The following ZNF423 variants were observed in gnomAD, a reference collection of about 807,000 sequenced individuals.
ZNF423 encodes Ebf-associated zinc finger protein.
Under a neutral mutation model 95.8 loss-of-function variants are expected in ZNF423, and 12 were observed. The ratio of observed to expected loss-of-function variants is 0.13; its 90% CI spans 0.08 to 0.20. The LOEUF (loss-of-function observed/expected upper bound fraction) is 0.20. ZNF423 is among the 10% of genes least tolerant of loss of function. ZNF423 has a pLI of 1.00. For missense variants in ZNF423, 1,316 were observed against 1,737.1 expected (o/e 0.76, Z 4.31); for synonymous variants, 749 against 711.9 (o/e 1.05, Z -0.83).
chr16:49,651,046 G>C (rs1386320844), intron 3 of ZNF423, among the ~76,000 whole-genome samples: 1 of 151,472 alleles, frequency 6.6e-6, no homozygotes, highest in African/African-American at 2.4e-5. Flanking sequence ...TTAGAGACAG[G>C]GTCTCCCTCT....
At chr16:49,774,835 G>A (rs866556545) in intron 2 of ZNF423, among the ~76,000 whole-genome samples, 1 of 152,088 alleles carries the variant, frequency 6.6e-6, no homozygotes, top group Non-Finnish European at 1.5e-5. Context: ...CAAGATTCCG[G>A]GCTTAGGGAT....
chr16:49,726,978 T>A (rs1363077697), intron 3 of ZNF423, among the ~76,000 whole-genome samples: 5 of 151,040 alleles, frequency 3.3e-5, no homozygotes, highest in Non-Finnish European at 4.4e-5. Flanking sequence ...ACCCCAAGCA[T>A]GCGAACGTGT....
chr16:49,838,798 C>A (rs990999064), intron 1 of ZNF423, among the ~76,000 whole-genome samples: 1 of 151,820 alleles, frequency 6.6e-6, no homozygotes, highest in African/African-American at 2.4e-5. Context: ...AGCCGGCCCC[C>A]CGCCGCGGCC....
At chr16:49,570,430 T>C (rs909096143) in intron 5 of ZNF423, among the ~76,000 whole-genome samples, 1 of 152,184 alleles carries the variant, frequency 6.6e-6, no homozygotes, top group Non-Finnish European at 1.5e-5. Flanking sequence ...CCCATAATGG[T>C]TCCAATAAAT....
At chr16:49,837,526 T>C (rs932791545) in intron 1 of ZNF423, among the ~76,000 whole-genome samples, 8 of 152,160 alleles carry the variant, frequency 5.3e-5, no homozygotes, top group African/African-American at 1.9e-4. Flanking sequence ...CACCATGCTG[T>C]GTGCACGCAT....
chr16:49,714,328 G>A (rs942365342), intron 3 of ZNF423, among the ~76,000 whole-genome samples: 9 of 152,126 alleles, frequency 5.9e-5, no homozygotes, highest in East Asian at 3.8e-4. Context: ...ATTTCAACAC[G>A]CAGCCAGGGC....
intron 5 of ZNF423, 148 bp from the exon 6 acceptor site, chr16:49,525,642 T>A: frequency 8.6e-7 from 1 of 1,165,354 alleles, no homozygotes; most frequent in Non-Finnish European, 1.2e-6. Flanking sequence ...CCAAGACTCA[T>A]CCTGGCTCCA....
intron 1 of ZNF423, chr16:49,854,791 G>A (rs1228110208): frequency 8.1e-6 from 8 of 985,264 alleles, no homozygotes; most frequent in Non-Finnish European, 9.6e-6. Context: ...GGGGGCCCTC[G>A]CTGGAAATAG....
intron 3 of ZNF423, among the ~76,000 whole-genome samples, chr16:49,660,775 G>T (rs1407225715): frequency 1.3e-5 from 2 of 151,764 alleles, no homozygotes; most frequent in Non-Finnish European, 2.9e-5. Context: ...CACAGCCTCA[G>T]CCTGAATCCC....
intron 5 of ZNF423, among the ~76,000 whole-genome samples, chr16:49,607,925 T>C (rs1971590518): frequency 6.6e-6 from 1 of 152,176 alleles, no homozygotes; most frequent in Non-Finnish European, 1.5e-5. Context: ...GACCACCATA[T>C]GGCCAGTGGA....
chr16:49,783,978 A>AAG (rs2034267730), intron 2 of ZNF423, among the ~76,000 whole-genome samples: 1 of 151,882 alleles, frequency 6.6e-6, no homozygotes, highest in Non-Finnish European at 1.5e-5. Context: ...CAAAAAAAAA[A>AAG]AAAAAGAAAA....
intron 3 of ZNF423, among the ~76,000 whole-genome samples, chr16:49,723,420 T>A (rs924620659): frequency 1.3e-5 from 2 of 152,178 alleles, no homozygotes; most frequent in Non-Finnish European, 2.9e-5. Context: ...CTTTGCCATG[T>A]TTTTTTGTGT....
chr16:49,684,213 G>A (rs1334763883), intron 3 of ZNF423, among the ~76,000 whole-genome samples: 1 of 152,056 alleles, frequency 6.6e-6, no homozygotes, highest in Non-Finnish European at 1.5e-5. Context: ...CATGTGTGCA[G>A]ACAAAGACCA....
At chr16:49,795,328 T>A (rs1168965126) in intron 1 of ZNF423, among the ~76,000 whole-genome samples, 1 of 151,772 alleles carries the variant, frequency 6.6e-6, no homozygotes, top group African/African-American at 2.4e-5. Flanking sequence ...CACACTAGAG[T>A]CACACCAGCT....
chr16:49,776,918 A>G (rs998306402), intron 2 of ZNF423, among the ~76,000 whole-genome samples: 2 of 152,232 alleles, frequency 1.3e-5, no homozygotes, highest in African/African-American at 4.8e-5. Context: ...CAGCCCAGAA[A>G]CAGGCTTTTT....
Position 49,642,698 on chromosome 16 carries a change from G to C in ZNF423, c.302-3824C>G, listed in dbSNP as rs568548216. On this transcript the variant is annotated intron_variant, in intron 3 of 7. Coordinates refer to ENST00000563137, the MANE Select transcript of ZNF423 (RefSeq NM_001379286.1). ...CCCCTCCAAATGCATTTTGCTTTGG[G>C]GGGACTTAGCTCAGTGCTCTAGAAA... Among the ~76,000 whole-genome samples, 63 of 152,228 alleles carry C rather than the reference G, an allele frequency of 4.1e-4. 1 individual carries two copies. The highest frequency in any genetic ancestry group is 1.4e-3 in the African/African-American group (60 of 41,544).
chr16:49,736,540 C>T (rs755450828), intron 2 of ZNF423, among the ~76,000 whole-genome samples: 21 of 152,360 alleles, frequency 1.4e-4, no homozygotes, highest in Non-Finnish European at 2.2e-4. Flanking sequence ...CAATGGCTTA[C>T]GCCTGTAATC....
chr16:49,803,284 G>A (rs574131819), intron 1 of ZNF423, among the ~76,000 whole-genome samples: 17 of 151,758 alleles, frequency 1.1e-4, no homozygotes, highest in African/African-American at 3.6e-4. Context: ...AAAAATAAAC[G>A]GAGACCAACA....
At chr16:49,854,833 T>C in intron 1 of ZNF423, 1 of 985,196 alleles carries the variant, frequency 1.0e-6, no homozygotes, top group East Asian at 1.1e-4. Flanking sequence ...GGGATGGGTG[T>C]GTGTATCTAT....
Sources: allele counts gnomAD v4.1 joint callset (sites outside exome capture counted in the v4.1 genomes callset), GRCh38; gene constraint gnomAD v4.1.1; transcripts MANE v1.5; gene names NCBI Gene and HGNC (gene_info 2026-07-23, HGNC 2026-07-21).